Variants in SFMBT2 observed in about 807,000 individuals in gnomAD.
SFMBT2 encodes scm-like with four MBT domains protein 2.
Under a neutral mutation model 110.1 loss-of-function variants are expected in SFMBT2, and 38 were observed. The ratio of observed to expected loss-of-function variants is 0.35; its 90% CI spans 0.27 to 0.45. The LOEUF (loss-of-function observed/expected upper bound fraction) is 0.45. Ranked by LOEUF, SFMBT2 falls within the 20% of genes least tolerant of loss-of-function variation. The pLI is 1.00. For synonymous variants in SFMBT2, 425 were observed against 425.4 expected (o/e 1.00, Z 0.01); for missense variants, 1,011 against 1,094.9 (o/e 0.92, Z 1.08).
chr10:7,408,259 G>A lies in SFMBT2; in HGVS notation c.-52+2602C>T, dbSNP rs12356750. Among the ~76,000 whole-genome samples, 103,148 of 152,156 alleles carry A rather than the reference G, an allele frequency of 0.68. 37,231 individuals carry two copies. The highest frequency in any genetic ancestry group is 1 in the East Asian group (5,140 of 5,148). ...GGGCGCGCCCAAACGCAGGCTGGAG[G>A]AGCCACGGACGCGTCCTGGCCGGCG... On this transcript the variant is annotated intron_variant, in intron 1 of 20. Transcript: ENST00000397167. This position sits in a 1 kb window ranked among gnomAD's most constrained non-coding sequence, Gnocchi z 5.7.
At chr10:7,282,549 T>C (rs1363564259) in intron 6 of SFMBT2, among the ~76,000 whole-genome samples, 1 of 152,246 alleles carries the variant, frequency 6.6e-6, no homozygotes, top group Non-Finnish European at 1.5e-5. Flanking sequence ...TCTTTGTTTG[T>C]CATCAGAGTC....
At chr10:7,341,607 A>G (rs966196236) in intron 4 of SFMBT2, among the ~76,000 whole-genome samples, 4 of 152,210 alleles carry the variant, frequency 2.6e-5, no homozygotes, top group Non-Finnish European at 4.4e-5. Flanking sequence ...CGTTGTAGAA[A>G]TCATTTCGTA....
chr10:7,276,915 G>A lies in SFMBT2; in HGVS notation c.847C>T (p.Pro283Ser), dbSNP rs780729150. Residue 283 changes from proline (P) to serine (S), a missense_variant, in exon 7 of 21, where the codon CCT (proline) becomes TCT (serine). Transcript: ENST00000397167. The part of the protein sequence containing the change: ...EKSLIDAAKF[P>S]LPMEVFKDHA... ...ACCTTAAACACTTCCATTGGAAGAG[G>A]AAATTTGGCAGCATCAATAAGGGAT... 5 of 872,606 alleles carry A rather than the reference G, an allele frequency of 5.7e-6. No individual in the cohort carries two copies. The highest frequency in any genetic ancestry group is 3.9e-5 in the South Asian group (3 of 76,544). 54.1% of individuals were successfully genotyped at this position (872,606 alleles called of 1,614,324 possible). A position where few individuals can be genotyped will look rare whatever the true frequency, so the allele number is the denominator to read the frequency against.
chr10:7,254,177 T>C (rs1366587363), intron 7 of SFMBT2, among the ~76,000 whole-genome samples: 1 of 152,164 alleles, frequency 6.6e-6, no homozygotes, highest in Non-Finnish European at 1.5e-5. Context: ...TCCATAAATA[T>C]TTATCGAATT....
chr10:7,221,650 T>C (rs1248595176), intron 10 of SFMBT2, among the ~76,000 whole-genome samples: 1 of 152,182 alleles, frequency 6.6e-6, no homozygotes, highest in African/African-American at 2.4e-5. Context: ...TTTGAAACTA[T>C]CTTTATTTTC....
chr10:7,305,962 T>C (rs1842682368), intron 4 of SFMBT2, among the ~76,000 whole-genome samples: 2 of 152,376 alleles, frequency 1.3e-5, no homozygotes, highest in Middle Eastern at 3.4e-3. Context: ...TGAAAGAAAT[T>C]AGCCTTCAGT....
At chr10:7,378,053 GGA>G (rs1845296826) in intron 2 of SFMBT2, among the ~76,000 whole-genome samples, 1 of 151,238 alleles carries the variant, frequency 6.6e-6, no homozygotes, top group African/African-American at 2.4e-5. Context: ...GTGGATGGAT[GGA>G]TGTGAGTGTG....
intron 12 of SFMBT2, chr10:7,203,931 G>A (rs1303800934): frequency 6.3e-6 from 1 of 158,304 alleles, no homozygotes; most frequent in African/African-American, 2.4e-5. Context: ...TGGCCGGGCT[G>A]GTCTCGAGCT....
intron 7 of SFMBT2, chr10:7,249,482 G>GT (rs1554793143): frequency 1.0e-6 from 1 of 976,170 alleles, no homozygotes; most frequent in Non-Finnish European, 1.2e-6. Context: ...ATAAATGAAT[G>GT]TATTTGCAGT....
chr10:7,311,713 A>G (rs984628018), intron 4 of SFMBT2, among the ~76,000 whole-genome samples: 3 of 152,246 alleles, frequency 2.0e-5, no homozygotes, highest in African/African-American at 4.8e-5. Flanking sequence ...TATATAAATT[A>G]CAATCAGATT....
intron 4 of SFMBT2, among the ~76,000 whole-genome samples, chr10:7,365,065 G>C (rs929527820): frequency 2.6e-5 from 4 of 152,180 alleles, no homozygotes; most frequent in Non-Finnish European, 5.9e-5. Context: ...ACCTGTTTAG[G>C]CTGGGTCTGG....
intron 16 of SFMBT2, among the ~76,000 whole-genome samples, chr10:7,178,135 G>A (rs922829832): frequency 5.9e-5 from 9 of 152,150 alleles, no homozygotes; most frequent in African/African-American, 1.2e-4. Context: ...GTGGTGGGGG[G>A]TGACAAGAAT....
At chr10:7,315,018 A>AG (rs1426706666) in intron 4 of SFMBT2, among the ~76,000 whole-genome samples, 2 of 140,836 alleles carry the variant, frequency 1.4e-5, no homozygotes, top group African/African-American at 5.4e-5. Context: ...AAAGAAAGAA[A>AG]AGAGAGAGAA....
intron 4 of SFMBT2, among the ~76,000 whole-genome samples, chr10:7,300,286 C>CT (rs80207401): frequency 0.052 from 7,481 of 143,640 alleles, 596 homozygotes; most frequent in African/African-American, 0.18. Flanking sequence ...ATGTATCCAG[C>CT]TTTTTTTTTT....
At chr10:7,193,993 A>G (rs1838689679) in intron 15 of SFMBT2, among the ~76,000 whole-genome samples, 1 of 152,162 alleles carries the variant, frequency 6.6e-6, no homozygotes, top group African/African-American at 2.4e-5. Flanking sequence ...CCTACTGAGC[A>G]TGGACACGTG....
intron 9 of SFMBT2, among the ~76,000 whole-genome samples, chr10:7,237,348 T>C (rs1284269137): frequency 1.3e-5 from 2 of 152,162 alleles, no homozygotes; most frequent in Non-Finnish European, 2.9e-5. Flanking sequence ...GAATAAACAA[T>C]CTACATGCCC....
chr10:7,256,563 A>G (rs937991266), intron 7 of SFMBT2, among the ~76,000 whole-genome samples: 4 of 152,232 alleles, frequency 2.6e-5, no homozygotes, highest in Non-Finnish European at 5.9e-5. Context: ...TACCATGACT[A>G]CTTTTGTGTG....
chr10:7,382,965 T>C (rs895167311), intron 1 of SFMBT2, among the ~76,000 whole-genome samples: 1 of 152,194 alleles, frequency 6.6e-6, no homozygotes, highest in African/African-American at 2.4e-5. Context: ...CAGCCATACC[T>C]GGCTCCGATG....
At chr10:7,164,038 A>G (rs2131504996) in intron 20 of SFMBT2, 128 bp from the exon 21 acceptor site, 1 of 1,394,956 alleles carries the variant, frequency 7.2e-7, no homozygotes, top group Middle Eastern at 2.7e-4. Context: ...AATTCAGGGG[A>G]TTGTTGGTAG....
Sources: allele counts gnomAD v4.1 joint callset (sites outside exome capture counted in the v4.1 genomes callset), GRCh38; gene constraint gnomAD v4.1.1; non-coding constraint Gnocchi (gnomAD v3.1); transcripts MANE v1.5; gene names NCBI Gene and HGNC (gene_info 2026-07-23, HGNC 2026-07-21).